ACACA: variants seen among roughly 807,000 people sequenced by gnomAD.
ACACA encodes acetyl-CoA carboxylase alpha, also known as acetyl-CoA carboxylase 1.
Under a neutral mutation model 296.1 loss-of-function variants are expected in ACACA, and 103 were observed. The observed-to-expected ratio is 0.35, with a 90% CI of 0.30 to 0.41. ACACA has a LOEUF of 0.41. Ranked by LOEUF, ACACA falls within the 10% of genes least tolerant of loss-of-function variation. The pLI, the probability that ACACA is intolerant of heterozygous loss-of-function variation, is 1.00. For synonymous variants in ACACA, 953 were observed against 1,038.6 expected (o/e 0.92, Z 1.58); for missense variants, 1,554 against 2,989.7 (o/e 0.52, Z 11.20).
intron 1 of ACACA, among the ~76,000 whole-genome samples, chr17:37,402,199 AT>A (rs2051314875): frequency 6.6e-6 from 1 of 152,186 alleles, no homozygotes; most frequent in South Asian, 2.1e-4. Context: ...GCACTTAGTC[AT>A]CTTTGCTATG....
chr17:37,153,692 C>T lies in ACACA; in HGVS notation c.5447+1991G>A, dbSNP rs116720069. On this transcript the variant is annotated intron_variant, in intron 43 of 55. Transcript: ENST00000616317. Reference sequence around the variant, plus strand: ...TCAAATGATTATTAAGTTCTTAGGACGCAAATACTTATTGTTTAACTACCT... The same window carrying T: ...TCAAATGATTATTAAGTTCTTAGGATGCAAATACTTATTGTTTAACTACCT... Among the ~76,000 whole-genome samples the T allele has an allele frequency of 9.9e-3, 1,503 of 151,996 alleles. 23 individuals carry two copies. Among genetic ancestry groups the T allele is most frequent in the African/African-American group, 0.034 (1,399 of 41,424 alleles).
At chr17:37,236,842 C>T (rs528298595) in intron 24 of ACACA, among the ~76,000 whole-genome samples, 5 of 151,958 alleles carry the variant, frequency 3.3e-5, no homozygotes, top group South Asian at 4.2e-4. Flanking sequence ...AAAGAACACA[C>T]ACCAAACAAA....
At chr17:37,148,312 A>G (rs1434020266) in intron 45 of ACACA, among the ~76,000 whole-genome samples, 1 of 151,836 alleles carries the variant, frequency 6.6e-6, no homozygotes, top group Non-Finnish European at 1.5e-5. Context: ...GTGGTTCACA[A>G]CCTTTATTTC....
chr17:37,164,872 C>T (rs1187997502), intron 41 of ACACA, among the ~76,000 whole-genome samples: 2 of 152,182 alleles, frequency 1.3e-5, no homozygotes, highest in African/African-American at 2.4e-5. Flanking sequence ...GAAGAATCTA[C>T]TTCAGCATTT....
At chr17:37,133,038 C>T (rs2075174915) in intron 45 of ACACA, among the ~76,000 whole-genome samples, 1 of 152,188 alleles carries the variant, frequency 6.6e-6, no homozygotes, top group Non-Finnish European at 1.5e-5. Context: ...CAGGGCTTAA[C>T]ATACCAAGAA....
At chr17:37,259,976 G>A (rs2081373574) in intron 11 of ACACA, among the ~76,000 whole-genome samples, 2 of 150,646 alleles carry the variant, frequency 1.3e-5, no homozygotes, top group Non-Finnish European at 1.5e-5. Context: ...CTGCCTCCCG[G>A]GTTCAAGTGA....
intron 5 of ACACA, among the ~76,000 whole-genome samples, chr17:37,282,042 G>A (rs1205770098): frequency 6.6e-6 from 1 of 152,154 alleles, no homozygotes; most frequent in East Asian, 1.9e-4. Context: ...GATATAGTTT[G>A]AATGTATGTC....
chr17:37,382,676 A>G (rs2050350792), intron 1 of ACACA, among the ~76,000 whole-genome samples: 1 of 152,132 alleles, frequency 6.6e-6, no homozygotes, highest in Non-Finnish European at 1.5e-5. Context: ...CCTGGCCAAC[A>G]TGGTAAAACC....
intron 50 of ACACA, among the ~76,000 whole-genome samples, chr17:37,115,463 A>G (rs898653021): frequency 6.6e-6 from 1 of 152,210 alleles, no homozygotes; most frequent in African/African-American, 2.4e-5. Flanking sequence ...AAAGGAGAAA[A>G]TAAAGCAATA....
intron 14 of ACACA, among the ~76,000 whole-genome samples, chr17:37,255,897 C>T (rs1195702886): frequency 6.6e-6 from 1 of 152,080 alleles, no homozygotes; most frequent in African/African-American, 2.4e-5. Flanking sequence ...CAGGCAGTTG[C>T]CACCACACCT....
At chr17:37,156,615 A>T (rs1298016169) in intron 42 of ACACA, among the ~76,000 whole-genome samples, 1 of 152,228 alleles carries the variant, frequency 6.6e-6, no homozygotes, top group Non-Finnish European at 1.5e-5. Flanking sequence ...TTTTCAATAA[A>T]CAACTCCTAA....
chr17:37,368,400 G>A (rs963000339), intron 1 of ACACA, among the ~76,000 whole-genome samples: 2 of 152,280 alleles, frequency 1.3e-5, no homozygotes, highest in South Asian at 2.1e-4. Flanking sequence ...GGCCAACATG[G>A]TGAAACCCTG....
chr17:37,173,388 A>G (rs1353103415), intron 41 of ACACA, among the ~76,000 whole-genome samples: 5 of 152,202 alleles, frequency 3.3e-5, no homozygotes, highest in Admixed American at 3.3e-4. Context: ...AGAACTGTCA[A>G]AATGGATCTA....
intron 29 of ACACA, among the ~76,000 whole-genome samples, chr17:37,216,423 G>C (rs1381761259): frequency 6.6e-6 from 1 of 151,810 alleles, no homozygotes; most frequent in Non-Finnish European, 1.5e-5. Context: ...TAGAAGTCTT[G>C]GGTAGAAGAT....
chr17:37,117,842 T>G (rs1386612945), intron 50 of ACACA, among the ~76,000 whole-genome samples: 1 of 151,938 alleles, frequency 6.6e-6, no homozygotes, highest in Non-Finnish European at 1.5e-5. Flanking sequence ...AAGAGCTGTC[T>G]CTAATCTTTT....
Position 37,188,496 on chromosome 17 carries a change from C to T in ACACA, c.4573-16G>A, listed in dbSNP as rs778933542. The T allele has an allele frequency of 1.9e-6, 3 of 1,612,254 alleles. No individual in the cohort carries two copies. Among genetic ancestry groups the T allele is most frequent in the Middle Eastern group, 2.1e-4 (1 of 4,672 alleles). On this transcript the variant is annotated splice_polypyrimidine_tract_variant and intron_variant, in intron 38 of 55. Transcript: ENST00000616317. ...ATTCCTCAATCTGACACAGACACAT[C>T]ACCAAGCACAAAACTTAAATATCTT...
rs1046295350 is a variant in ACACA, at chr17:37,162,059, G to C, written c.5080-9C>G. On this transcript the variant is annotated splice_polypyrimidine_tract_variant and intron_variant, in intron 41 of 55. Coordinates refer to ENST00000616317, the MANE Select transcript of ACACA (RefSeq NM_198834.3). ...CAAGCTACCATGCCAATCTGGAAAG[G>C]CATAAACAAACAAATGAACAGAAGT... 3.7e-6 allele frequency: 6 copies of C among 1,613,918 alleles called. No homozygotes were observed. Among genetic ancestry groups the C allele is most frequent in the Non-Finnish European group, 4.2e-6 (5 of 1,180,000 alleles).
chr17:37,196,835 C>A (rs1237899196), intron 35 of ACACA, among the ~76,000 whole-genome samples: 1 of 151,966 alleles, frequency 6.6e-6, no homozygotes, highest in Non-Finnish European at 1.5e-5. Context: ...TTTTTTTTAA[C>A]ATCTTGTCCA....
chr17:37,348,806 G>A (rs931910047), intron 1 of ACACA, among the ~76,000 whole-genome samples: 4 of 151,626 alleles, frequency 2.6e-5, no homozygotes, highest in African/African-American at 4.8e-5. Flanking sequence ...AAAATTAGCC[G>A]GGGGTGGTGG....
Sources: allele counts gnomAD v4.1 joint callset (sites outside exome capture counted in the v4.1 genomes callset), GRCh38; gene constraint gnomAD v4.1.1; transcripts MANE v1.5; gene names NCBI Gene and HGNC (gene_info 2026-07-23, HGNC 2026-07-21).